The following OFD1 variants were observed in gnomAD, a reference collection of about 807,000 sequenced individuals.
OFD1 encodes the protein centriole and centriolar satellite protein OFD1.
OFD1 carries 12 observed loss-of-function variants against 81.4 expected under a neutral mutation model. That is an observed-to-expected ratio of 0.15 (90% CI 0.09 to 0.24). OFD1 has a LOEUF of 0.24. Among genes scored for constraint, OFD1 ranks in the 10% least tolerant of loss-of-function variants. The pLI, the probability that OFD1 is intolerant of heterozygous loss-of-function variation, is 1.00. For synonymous variants in OFD1, 256 were observed against 263.7 expected (o/e 0.97, Z 0.28); for missense variants, 685 against 733.9 (o/e 0.93, Z 0.77).
intron 17 of OFD1, 54 bp downstream of exon 17, chrX:13,761,265 GT>G (rs2047917810): frequency 8.7e-7 from 1 of 1,150,580 alleles, no homozygotes. Context: ...TACTTGCTCT[GT>G]CAGCCTTCAC....
chrX:13,759,926 A>G lies in OFD1; in HGVS notation c.1655-189A>G, dbSNP rs7058591. On this transcript the variant is annotated intron_variant, in intron 15 of 22. Coordinates refer to ENST00000340096, the MANE Select transcript of OFD1 (RefSeq NM_003611.3). ...TTATATCATGTTACAAAAGACATAC[A>G]AAGCTGTAGCTGGTACAATAAGCTC... Among the ~76,000 whole-genome samples, 1,667 of 112,412 alleles carry G rather than the reference A, an allele frequency of 0.015. 32 individuals are homozygous for G. Among genetic ancestry groups the G allele is most frequent in the African/African-American group, 0.05 (1,553 of 30,890 alleles).
At chrX:13,724,942 G>C in the OFD1 span, among the ~76,000 whole-genome samples, 1 of 113,469 alleles carries the variant, frequency 8.8e-6, no homozygotes, top group Non-Finnish European at 1.9e-5. Context: ...CAGACAAGGA[G>C]ATTCTCTCCC....
rs767202861 is a variant in OFD1, at chrX:13,760,861, AG to A, written c.2260+142del. 9.2e-4 allele frequency: 804 copies of A among 871,904 alleles called. 4 individuals carry two copies. In the African/African-American group the frequency reaches 0.012, roughly 13 times the overall value. The allele number at this position is 871,904 out of a possible 1,213,427, so 71.9% of individuals were successfully genotyped here. ...CACACAGAGCTGTTTAGAGAGTGAT[AG>A]TTGCCTTGCCTTTGCTGCCTGTTGG... On this transcript the variant is annotated intron_variant, in intron 16 of 22. Transcript: ENST00000340096.
chrX:13,753,064 CTTT>C (rs899761853), intron 10 of OFD1: 51 of 917,452 alleles, frequency 5.6e-5, no homozygotes, highest in Non-Finnish European at 6.8e-5. Flanking sequence ...CCCCTTTGCT[CTTT>C]GTGTCAGTTG....
At chrX:13,730,521 G>A (rs186440747), upstream of OFD1, among the ~76,000 whole-genome samples, 1,721 of 111,635 alleles carry the variant, frequency 0.015, 18 homozygotes, top group Non-Finnish European at 0.025. Context: ...ATTCCTCAAG[G>A]ATCTAGAGGT....
chrX:13,749,709 A>G, intron 9 of OFD1, among the ~76,000 whole-genome samples, 176 bp downstream of exon 9: 1 of 112,795 alleles, frequency 8.9e-6, no homozygotes, highest in Non-Finnish European at 1.9e-5. Context: ...TTTTTGAAAT[A>G]TTAAACATTA....
the OFD1 span, among the ~76,000 whole-genome samples, chrX:13,719,014 T>G: frequency 9.1e-6 from 1 of 110,363 alleles, no homozygotes; most frequent in South Asian, 3.9e-4. Flanking sequence ...AAAATTAGCC[T>G]GGCACAGTGG....
chrX:13,772,524 CTTA>C (rs2048319907), downstream of OFD1: 1 of 145,787 alleles, frequency 6.9e-6, no homozygotes, highest in African/African-American at 3.1e-5. Flanking sequence ...GTCACAGGTC[CTTA>C]TTAAGGAGTC....
intron 16 of OFD1, 113 bp downstream of exon 16, chrX:13,760,833 T>C (rs2047900855): frequency 1.0e-6 from 1 of 995,986 alleles, no homozygotes; most frequent in South Asian, 2.1e-5. Context: ...GTCTAGTGTT[T>C]GGCACACAGA....
chrX:13,772,422 A>G (rs974804939), downstream of OFD1: 1 of 113,577 alleles, frequency 8.8e-6, no homozygotes, highest in African/African-American at 3.2e-5. Context: ...ATGGAACTTT[A>G]CATCAATTCC....
rs1331823901 is a variant in OFD1, at chrX:13,744,766, TC to T, written c.517+249del. Among the ~76,000 whole-genome samples the T allele has an allele frequency of 2.7e-5, 3 of 112,267 alleles. No homozygotes were observed. In the East Asian group the frequency reaches 8.3e-4, roughly 31 times the overall value. ...GCAGGGATTCAAAGGCCCATATTCT[TC>T]CTTGTTTGTTGAGTTTGACTTCTCT... On this transcript the variant is annotated intron_variant, in intron 6 of 22. Coordinates refer to ENST00000340096, the MANE Select transcript of OFD1 (RefSeq NM_003611.3).
Position 13,756,583 on chromosome X carries a change from A to G in OFD1, c.1227A>G (p.Glu409=). 1 of 1,204,559 alleles carries G rather than the reference A, an allele frequency of 8.3e-7. No homozygotes were observed. Among genetic ancestry groups the G allele is most frequent in the Non-Finnish European group, 1.1e-6 (1 of 891,778 alleles). ...TTTTCCTTTTTGAATTTTAGCTTGAATTAGAGTCTGTCAAAGCCCAGTCTT... is the reference window on the plus strand; with the variant it reads ...TTTTCCTTTTTGAATTTTAGCTTGAGTTAGAGTCTGTCAAAGCCCAGTCTT... ...SVNRVKELEL[E]LESVKAQSLA... The change falls in exon 13 of 23, where the codon GAA becomes GAG. Residue 409 remains glutamate (E), a synonymous_variant. Coordinates refer to ENST00000340096, the MANE Select transcript of OFD1 (RefSeq NM_003611.3).
Position 13,762,401 on chromosome X carries a change from G to A in OFD1, c.2445G>A (p.Lys815=). 8.3e-7 allele frequency: 1 copy of A among 1,201,500 alleles called. No individual in the cohort carries two copies. Among genetic ancestry groups the A allele is most frequent in the South Asian group, 1.8e-5 (1 of 56,715 alleles). ...QDKSEFSDVD[K]LAFKDNEEFE... ...AAAGTGAATTTTCAGATGTGGACAA[G>A]CTAGCTTTTAAGGATAATGAGGAGT... Residue 815 remains lysine (K), a synonymous_variant, in exon 18 of 23, where the codon AAG becomes AAA. Coordinates refer to ENST00000340096, the MANE Select transcript of OFD1 (RefSeq NM_003611.3).
chrX:13,763,553 A>G (rs994411042), intron 18 of OFD1, among the ~76,000 whole-genome samples, 192 bp from the exon 19 acceptor site: 1 of 112,486 alleles, frequency 8.9e-6, no homozygotes, highest in Non-Finnish European at 1.9e-5. Flanking sequence ...TTCAACTACG[A>G]GAACACTCTG....
chrX:13,755,603 A>T (rs1222955961), intron 12 of OFD1, among the ~76,000 whole-genome samples: 1 of 112,193 alleles, frequency 8.9e-6, no homozygotes, highest in African/African-American at 3.2e-5. Flanking sequence ...AGTTCATAGC[A>T]GGTGGCCATT....
At position 13,760,244 on chromosome X, in the gene OFD1, A is replaced by G. The variant is rs1161696290; in HGVS notation, c.1784A>G (p.Lys595Arg). The stretch of plus-strand genomic sequence containing the variant: ...GGGGATTTCTTGAACAATCCTTTTA[A>G]ACAGGAAAACGTTCTAGCACGTATG... ...ISGDFLNNPF[K>R]QENVLARMVA... Residue 595 changes from lysine to arginine, a missense_variant, in exon 16 of 23, where the codon AAA (lysine) becomes AGA (arginine). Lys to Arg is a conservative substitution (Grantham distance 26). Transcript: ENST00000340096. The G allele has an allele frequency of 6.6e-6, 8 of 1,210,005 alleles. No homozygotes were observed. Among genetic ancestry groups the G allele is most frequent in the Non-Finnish European group, 8.9e-6 (8 of 895,294 alleles).
intron 19 of OFD1, among the ~76,000 whole-genome samples, chrX:13,765,282 C>T (rs1234239687): frequency 9.1e-6 from 1 of 110,291 alleles, no homozygotes; most frequent in East Asian, 2.8e-4. Flanking sequence ...TTTCTGTATA[C>T]CACCCTGCAG....
Position 13,735,025 on chromosome X carries a change from G to A in OFD1, c.-47G>A. 1 of 1,179,233 alleles carries A rather than the reference G, an allele frequency of 8.5e-7. No homozygotes were observed. ...CGCCCGGGCTGGGCACTAAACTCGG[G>A]CCGCGGCGGGGCGAGCGAGGCGGGC... On this transcript the variant is annotated 5_prime_UTR_variant, in exon 1 of 23. Transcript: ENST00000340096.
intron 19 of OFD1, 67 bp downstream of exon 19, chrX:13,763,922 G>A: frequency 1.2e-6 from 1 of 842,521 alleles, no homozygotes; most frequent in Non-Finnish European, 1.8e-6. Context: ...TGTGCTCTGT[G>A]AATTATTTCA....
Sources: allele counts gnomAD v4.1 joint callset (sites outside exome capture counted in the v4.1 genomes callset), GRCh38; gene constraint gnomAD v4.1.1; transcripts MANE v1.5; gene names NCBI Gene and HGNC (gene_info 2026-07-23, HGNC 2026-07-21).